Variants in ARHGEF26 observed in about 807,000 individuals in gnomAD.
The protein encoded by ARHGEF26 is Rho guanine nucleotide exchange factor 26.
Under a neutral mutation model 89.4 loss-of-function variants are expected in ARHGEF26, and 59 were observed. The observed-to-expected ratio is 0.66, with a 90% confidence interval of 0.54 to 0.82. The LOEUF is 0.82. Among genes scored for constraint, ARHGEF26 ranks in the 40% least tolerant of loss-of-function variants. The pLI is 0.00. For missense variants in ARHGEF26, 1,234 were observed against 1,085.6 expected (o/e 1.14, Z -1.92); for synonymous variants, 500 against 428.4 (o/e 1.17, Z -2.06).
chr3:154,199,623 T>C (rs1043813271), intron 9 of ARHGEF26, among the ~76,000 whole-genome samples: 6 of 152,172 alleles, frequency 3.9e-5, no homozygotes, highest in Non-Finnish European at 8.8e-5. Context: ...ATTTTTAGTT[T>C]TTTAAGGAAC....
intron 9 of ARHGEF26, 40 bp downstream of exon 9, chr3:154,194,758 C>G (rs764993064): frequency 6.5e-7 from 1 of 1,537,868 alleles, no homozygotes; most frequent in Non-Finnish European, 8.9e-7. Context: ...GACAGGAAAC[C>G]ATTCAGTTAG....
At chr3:154,208,257 G>T (rs1001616383) in intron 9 of ARHGEF26, among the ~76,000 whole-genome samples, 3 of 152,078 alleles carry the variant, frequency 2.0e-5, no homozygotes, top group South Asian at 2.1e-4. Flanking sequence ...TAAAATAAAC[G>T]TTGGAAATAA....
At chr3:154,212,469 T>C (rs1050477421) in intron 9 of ARHGEF26, among the ~76,000 whole-genome samples, 4 of 152,168 alleles carry the variant, frequency 2.6e-5, no homozygotes, top group Admixed American at 2.0e-4. Flanking sequence ...CATTCTATTT[T>C]GTATCCTTCT....
At chr3:154,206,851 G>C (rs867046499) in intron 9 of ARHGEF26, among the ~76,000 whole-genome samples, 4 of 152,170 alleles carry the variant, frequency 2.6e-5, no homozygotes, top group Non-Finnish European at 5.9e-5. Flanking sequence ...CACAGTACCT[G>C]ACTTCAAACT....
chr3:154,174,455 A>G (rs1017833951), intron 6 of ARHGEF26, among the ~76,000 whole-genome samples: 39 of 152,212 alleles, frequency 2.6e-4, no homozygotes, highest in Non-Finnish European at 2.5e-4. Flanking sequence ...GCTTGTGCCT[A>G]TGCATCAGGT....
chr3:154,253,435 A>G (rs1251200814), intron 13 of ARHGEF26, among the ~76,000 whole-genome samples: 1 of 152,208 alleles, frequency 6.6e-6, no homozygotes, highest in Non-Finnish European at 1.5e-5. Flanking sequence ...CTATTTAACC[A>G]TCTGCAAGTC....
chr3:154,209,028 A>G (rs1184736564), intron 9 of ARHGEF26, among the ~76,000 whole-genome samples: 4 of 151,980 alleles, frequency 2.6e-5, no homozygotes, highest in African/African-American at 7.2e-5. Flanking sequence ...CGGTCTCCCA[A>G]AATGCTGGGA....
intron 6 of ARHGEF26, among the ~76,000 whole-genome samples, chr3:154,182,017 C>A (rs1373151598): frequency 6.6e-6 from 1 of 151,498 alleles, no homozygotes; most frequent in Non-Finnish European, 1.5e-5. Context: ...ATGGCCAAGT[C>A]TGGGTGGGTG....
intron 6 of ARHGEF26, among the ~76,000 whole-genome samples, chr3:154,180,305 G>T (rs1325503716): frequency 6.6e-6 from 1 of 152,018 alleles, no homozygotes; most frequent in Non-Finnish European, 1.5e-5. Context: ...CATGTACATG[G>T]CCATCATTTA....
chr3:154,148,951 C>T (rs1227260661), intron 4 of ARHGEF26, among the ~76,000 whole-genome samples: 4 of 152,112 alleles, frequency 2.6e-5, no homozygotes, highest in Admixed American at 2.6e-4. Flanking sequence ...TAGCCCAACC[C>T]TTAGAAATGG....
chr3:154,205,824 A>G (rs1451593632), intron 9 of ARHGEF26, among the ~76,000 whole-genome samples: 2 of 152,142 alleles, frequency 1.3e-5, no homozygotes, highest in Non-Finnish European at 2.9e-5. Context: ...TTCTGTTTAT[A>G]TCTTATTGTA....
At position 154,124,432 on chromosome 3, in the gene ARHGEF26, G is replaced by A. The variant is rs1718199449; in HGVS notation, c.1106G>A (p.Gly369Glu). The change falls in exon 3 of 15, where the codon GGA becomes GAA. Residue 369 changes from glycine to glutamate, a missense_variant. Gly to Glu is a moderately conservative substitution (Grantham distance 98). Transcript: ENST00000465093. ...RIKKKMLKGQGTFDGEENAVL... is the reference protein window; with the variant it reads ...RIKKKMLKGQETFDGEENAVL... Reference sequence around the variant, plus strand: ...TAGAAAAAAATGCTGAAAGGACAAGGAACATTTGATGGGGAAGGTAAGCAT... The same window carrying A: ...TAGAAAAAAATGCTGAAAGGACAAGAAACATTTGATGGGGAAGGTAAGCAT... The A allele has an allele frequency of 2.0e-6, 3 of 1,507,320 alleles. No homozygotes were observed. Among genetic ancestry groups the A allele is most frequent in the Non-Finnish European group, 1.8e-6 (2 of 1,136,414 alleles). The allele number at this position is 1,507,320 out of a possible 1,614,324, so 93.4% of individuals were successfully genotyped here. A position where few individuals can be genotyped will look rare whatever the true frequency, so the allele number is the denominator to read the frequency against.
At chr3:154,209,006 A>G (rs1715206212) in intron 9 of ARHGEF26, among the ~76,000 whole-genome samples, 1 of 151,864 alleles carries the variant, frequency 6.6e-6, no homozygotes. Flanking sequence ...GCCTCAAGTA[A>G]TCTGCCCACC....
chr3:154,211,773 C>A (rs1469125996), intron 9 of ARHGEF26, among the ~76,000 whole-genome samples: 1 of 151,986 alleles, frequency 6.6e-6, no homozygotes, highest in African/African-American at 2.4e-5. Flanking sequence ...TGCAAACAAG[C>A]TGTATTGGTC....
chr3:154,223,873 TA>T (rs915328931), intron 10 of ARHGEF26, among the ~76,000 whole-genome samples: 11 of 152,124 alleles, frequency 7.2e-5, no homozygotes, highest in African/African-American at 2.7e-4. Context: ...ATCTCAACAT[TA>T]AAAAAATTAT....
intron 12 of ARHGEF26, among the ~76,000 whole-genome samples, chr3:154,248,991 TTACA>T (rs1314797441): frequency 2.0e-5 from 3 of 152,192 alleles, no homozygotes; most frequent in Admixed American, 2.0e-4. Flanking sequence ...ATCCTATTCT[TTACA>T]AAGGTTCGAA....
intron 4 of ARHGEF26, among the ~76,000 whole-genome samples, chr3:154,137,854 A>G (rs1719111625): frequency 6.6e-6 from 1 of 150,930 alleles, no homozygotes; most frequent in South Asian, 2.1e-4. Context: ...AAGAATTGGG[A>G]CATTTCAGAT....
intron 6 of ARHGEF26, among the ~76,000 whole-genome samples, chr3:154,154,118 C>G (rs1720186378): frequency 6.6e-6 from 1 of 152,094 alleles, no homozygotes; most frequent in Non-Finnish European, 1.5e-5. Flanking sequence ...TCCATCTATT[C>G]ATATATTCAG....
chr3:154,200,005 G>A (rs1424461572), intron 9 of ARHGEF26, among the ~76,000 whole-genome samples: 1 of 151,822 alleles, frequency 6.6e-6, no homozygotes, highest in East Asian at 1.9e-4. Context: ...TCTATTCTGG[G>A]GGTTGTCTCT....
Sources: allele counts gnomAD v4.1 joint callset (sites outside exome capture counted in the v4.1 genomes callset), GRCh38; gene constraint gnomAD v4.1.1; transcripts MANE v1.5; gene names NCBI Gene and HGNC (gene_info 2026-07-23, HGNC 2026-07-21).